SH3GL3: variants seen among roughly 807,000 people sequenced by gnomAD.
The protein encoded by SH3GL3 is SH3 domain containing GRB2 like 3, endophilin A3.
In SH3GL3, 33 loss-of-function variants were observed where a neutral mutation model predicts 47.7. The ratio of observed to expected loss-of-function variants is 0.69; its 90% confidence interval spans 0.52 to 0.92. The LOEUF is 0.92. SH3GL3 is among the 40% of genes least tolerant of loss of function. The pLI is 0.00. For missense variants in SH3GL3, 363 were observed against 417.8 expected (o/e 0.87, Z 1.14); for synonymous variants, 155 against 148.8 (o/e 1.04, Z -0.30).
chr15:83,528,199 A>T (rs558705769), intron 1 of SH3GL3, among the ~76,000 whole-genome samples: 8 of 152,200 alleles, frequency 5.3e-5, no homozygotes, highest in Non-Finnish European at 8.8e-5. Flanking sequence ...CCCTTATGTG[A>T]CTAGATGCTT....
chr15:83,450,792 TTTTTTTTTTTAA>T (rs2039720482), intron 1 of SH3GL3, among the ~76,000 whole-genome samples: 2 of 30,556 alleles, frequency 6.5e-5, no homozygotes, highest in Admixed American at 5.6e-4. Context: ...TAGATTTTCT[TTTTTTTTTTTAA>T]TTTTTTTTTT....
chr15:83,516,829 A>G (rs1243603371), intron 1 of SH3GL3, among the ~76,000 whole-genome samples: 1 of 152,144 alleles, frequency 6.6e-6, no homozygotes, highest in African/African-American at 2.4e-5. Context: ...AATACTGTGA[A>G]TTGAATTTTG....
intron 2 of SH3GL3, among the ~76,000 whole-genome samples, chr15:83,561,697 A>C (rs944376596): frequency 1.3e-5 from 2 of 152,292 alleles, no homozygotes; most frequent in African/African-American, 4.8e-5. Flanking sequence ...GGAAAAACAC[A>C]AACAAATTAC....
At chr15:83,613,463 C>A (rs2585056) in intron 8 of SH3GL3, among the ~76,000 whole-genome samples, 3 of 151,988 alleles carry the variant, frequency 2.0e-5, no homozygotes, top group Non-Finnish European at 2.9e-5. Flanking sequence ...ATGATTTGTT[C>A]TGTGTGTGTG....
At chr15:83,552,586 T>A (rs994918310) in intron 1 of SH3GL3, among the ~76,000 whole-genome samples, 1 of 152,194 alleles carries the variant, frequency 6.6e-6, no homozygotes, top group African/African-American at 2.4e-5. Flanking sequence ...TGCCACTACT[T>A]ATAATATTTT....
At chr15:83,493,253 C>G (rs541876167) in intron 1 of SH3GL3, among the ~76,000 whole-genome samples, 1 of 152,040 alleles carries the variant, frequency 6.6e-6, no homozygotes, top group East Asian at 1.9e-4. Context: ...GGAGGGGCAC[C>G]AGGGAGGGGA....
intron 1 of SH3GL3, among the ~76,000 whole-genome samples, chr15:83,553,406 T>A (rs1385014164): frequency 6.6e-6 from 1 of 152,220 alleles, no homozygotes; most frequent in African/African-American, 2.4e-5. Context: ...TATGTTGAAT[T>A]TAATCCAATT....
intron 1 of SH3GL3, among the ~76,000 whole-genome samples, chr15:83,534,236 G>A (rs2043808270): frequency 6.6e-6 from 1 of 152,072 alleles, no homozygotes; most frequent in Non-Finnish European, 1.5e-5. Flanking sequence ...CCAGATGCTG[G>A]TGCCATGCTG....
At chr15:83,529,207 G>A (rs1458335434) in intron 1 of SH3GL3, among the ~76,000 whole-genome samples, 1 of 152,176 alleles carries the variant, frequency 6.6e-6, no homozygotes, top group Non-Finnish European at 1.5e-5. Context: ...GGCAGTGGTG[G>A]GCCAATTATG....
intron 1 of SH3GL3, chr15:83,490,706 A>C: frequency 6.8e-7 from 1 of 1,478,082 alleles, no homozygotes; most frequent in Non-Finnish European, 9.2e-7. Flanking sequence ...CCAAGCTCTC[A>C]CAAGGGCAAT....
chr15:83,579,092 A>G (rs1044618793), intron 6 of SH3GL3, among the ~76,000 whole-genome samples: 1 of 152,218 alleles, frequency 6.6e-6, no homozygotes, highest in Admixed American at 6.5e-5. Flanking sequence ...GTATCAGTCA[A>G]AAGTCAAAAA....
intron 8 of SH3GL3, among the ~76,000 whole-genome samples, chr15:83,606,994 G>A (rs1215705622): frequency 6.6e-6 from 1 of 152,212 alleles, no homozygotes; most frequent in African/African-American, 2.4e-5. Context: ...TGAACAGGAA[G>A]AGTCTCTCTC....
At chr15:83,626,444 T>G in the SH3GL3 span, among the ~76,000 whole-genome samples, 1 of 152,190 alleles carries the variant, frequency 6.6e-6, no homozygotes, top group Non-Finnish European at 1.5e-5. Context: ...GTCTGAAGCC[T>G]TTTATGACTG....
intron 8 of SH3GL3, among the ~76,000 whole-genome samples, chr15:83,603,900 C>T (rs781189002): frequency 1.3e-5 from 2 of 152,116 alleles, no homozygotes; most frequent in African/African-American, 2.4e-5. Flanking sequence ...TTTGGGAGGC[C>T]GAGGCGGGTG....
Position 83,610,849 on chromosome 15 carries a change from T to A in SH3GL3, c.839-7233T>A, listed in dbSNP as rs950466069. On this transcript the variant is annotated intron_variant, in intron 8 of 8. Coordinates refer to ENST00000427482, the MANE Select transcript of SH3GL3 (RefSeq NM_003027.5). ...ATGGTAAACACTAACACCTGAGAGTTATTATTTCGTCCCTGTAGCTGAGTA... is the reference window on the plus strand; with the variant it reads ...ATGGTAAACACTAACACCTGAGAGTAATTATTTCGTCCCTGTAGCTGAGTA... 2.6e-5 allele frequency among the ~76,000 whole-genome samples: 4 copies of A among 152,216 alleles called. No homozygotes were observed. The East Asian group carries it at 7.7e-4, about 29-fold the overall frequency.
intron 1 of SH3GL3, among the ~76,000 whole-genome samples, chr15:83,468,695 G>A (rs932113021): frequency 5.3e-5 from 8 of 151,958 alleles, no homozygotes; most frequent in African/African-American, 1.7e-4. Context: ...AACCCACTTG[G>A]TCATGATGTA....
chr15:83,490,759 T>C (rs1424835001), intron 1 of SH3GL3: 4 of 1,604,258 alleles, frequency 2.5e-6, no homozygotes, highest in Non-Finnish European at 3.4e-6. Context: ...CAGGAGCTTT[T>C]AAGTGAATAA....
chr15:83,582,111 A>G (rs373310514), intron 6 of SH3GL3, among the ~76,000 whole-genome samples: 1 of 152,196 alleles, frequency 6.6e-6, no homozygotes, highest in Non-Finnish European at 1.5e-5. Context: ...TGGGAACACT[A>G]TATCACCCAT....
At chr15:83,499,677 T>G (rs185008699) in intron 1 of SH3GL3, among the ~76,000 whole-genome samples, 2 of 152,348 alleles carry the variant, frequency 1.3e-5, no homozygotes, top group Non-Finnish European at 1.5e-5. Flanking sequence ...TGATTAATAG[T>G]CAATGAAATG....
Sources: allele counts gnomAD v4.1 joint callset (sites outside exome capture counted in the v4.1 genomes callset), GRCh38; gene constraint gnomAD v4.1.1; transcripts MANE v1.5; gene names NCBI Gene and HGNC (gene_info 2026-07-23, HGNC 2026-07-21).